Variants in WWOX observed in about 807,000 individuals in gnomAD.
WWOX encodes the protein WW domain containing oxidoreductase, also known as WW domain-containing oxidoreductase.
WWOX carries 69 observed loss-of-function variants against 46.2 expected under a neutral mutation model. The observed-to-expected ratio is 1.49, with a 90% CI of 1.23 to 1.82. The LOEUF (loss-of-function observed/expected upper bound fraction) is 1.82, where lower values mean the gene tolerates loss of function less well. Among genes scored for constraint, WWOX ranks in the 40% most tolerant of loss-of-function variants. The pLI, the probability that WWOX is intolerant of heterozygous loss-of-function variation, is 0.00. For synonymous variants in WWOX, 359 were observed against 202.6 expected (o/e 1.77, Z -6.56); for missense variants, 919 against 542.6 (o/e 1.69, Z -6.89).
intron 8 of WWOX, among the ~76,000 whole-genome samples, chr16:78,502,380 C>T (rs1348843989): frequency 6.6e-6 from 1 of 152,188 alleles, no homozygotes; most frequent in Non-Finnish European, 1.5e-5. Context: ...AACCAATCTA[C>T]TTGCTGTTTC....
intron 8 of WWOX, among the ~76,000 whole-genome samples, chr16:78,932,983 G>T (rs377758521): frequency 6.6e-6 from 1 of 152,170 alleles, no homozygotes; most frequent in Admixed American, 6.5e-5. Flanking sequence ...AATAGACCAC[G>T]TCCTGTCCAT....
At chr16:78,966,470 T>A (rs953503281) in intron 8 of WWOX, among the ~76,000 whole-genome samples, 1 of 152,204 alleles carries the variant, frequency 6.6e-6, no homozygotes. Flanking sequence ...TGTACATCGT[T>A]TTTAAGATGG....
At chr16:79,038,276 A>C (rs137948523) in intron 8 of WWOX, among the ~76,000 whole-genome samples, 8 of 152,202 alleles carry the variant, frequency 5.3e-5, no homozygotes, top group African/African-American at 1.4e-4. Flanking sequence ...TGTCTCCTGA[A>C]GATAAAATAC....
chr16:79,018,390 G>C (rs912019091), intron 8 of WWOX, among the ~76,000 whole-genome samples: 5 of 152,166 alleles, frequency 3.3e-5, no homozygotes, highest in Non-Finnish European at 7.3e-5. Context: ...TAATCAATGT[G>C]ATTTGTATAA....
intron 5 of WWOX, among the ~76,000 whole-genome samples, chr16:78,326,271 T>A (rs922363982): frequency 2.6e-5 from 4 of 152,222 alleles, no homozygotes; most frequent in Admixed American, 6.5e-5. Context: ...CATTTGATGC[T>A]TTATGTTAAG....
At chr16:78,611,474 C>G (rs1338669960) in intron 8 of WWOX, among the ~76,000 whole-genome samples, 7 of 152,144 alleles carry the variant, frequency 4.6e-5, no homozygotes, top group Non-Finnish European at 2.9e-5. Flanking sequence ...TATGACTGCC[C>G]TGCCTCCCTG....
At chr16:78,812,565 T>TAA (rs113895537) in intron 8 of WWOX, among the ~76,000 whole-genome samples, 3 of 144,528 alleles carry the variant, frequency 2.1e-5, no homozygotes, top group African/African-American at 7.6e-5. Context: ...CTACTAAAAA[T>TAA]AAAAAAAAAA....
At chr16:78,235,265 G>A (rs28379571) in intron 5 of WWOX, among the ~76,000 whole-genome samples, 23 of 152,218 alleles carry the variant, frequency 1.5e-4, no homozygotes, top group African/African-American at 5.1e-4. Context: ...GTCGTGGTTT[G>A]TGTTCTTTGA....
chr16:78,712,982 G>A (rs972244628), intron 8 of WWOX, among the ~76,000 whole-genome samples: 3 of 152,052 alleles, frequency 2.0e-5, no homozygotes, highest in African/African-American at 7.2e-5. Flanking sequence ...GAAATAGCTA[G>A]TATCAGGCCT....
intron 4 of WWOX, among the ~76,000 whole-genome samples, chr16:78,143,632 C>T (rs897610883): frequency 9.2e-5 from 14 of 152,172 alleles, no homozygotes; most frequent in African/African-American, 3.1e-4. Flanking sequence ...TTGCCCTTTA[C>T]AGAAAAAGTT....
chr16:78,341,829 G>C (rs2151900233), intron 5 of WWOX, among the ~76,000 whole-genome samples: 1 of 120,770 alleles, frequency 8.3e-6, no homozygotes, highest in African/African-American at 2.8e-5. Context: ...ATTTATGGAA[G>C]GTTAACAGGG....
intron 8 of WWOX, among the ~76,000 whole-genome samples, chr16:78,963,279 G>C (rs2046305632): frequency 6.6e-6 from 1 of 152,046 alleles, no homozygotes; most frequent in Non-Finnish European, 1.5e-5. Context: ...GACCAGTCTG[G>C]GCAACATAGT....
chr16:78,988,614 G>C (rs2046826444), intron 8 of WWOX, among the ~76,000 whole-genome samples: 1 of 152,182 alleles, frequency 6.6e-6, no homozygotes, highest in Non-Finnish European at 1.5e-5. Flanking sequence ...AGCCCTGCTA[G>C]AAACCAGATG....
chr16:78,322,571 G>C (rs554544186), intron 5 of WWOX, among the ~76,000 whole-genome samples: 2 of 152,190 alleles, frequency 1.3e-5, no homozygotes, highest in Non-Finnish European at 2.9e-5. Flanking sequence ...TACAGTCAGT[G>C]AGTGTGAGAG....
At chr16:78,704,999 A>G (rs988943878) in intron 8 of WWOX, among the ~76,000 whole-genome samples, 2 of 151,596 alleles carry the variant, frequency 1.3e-5, no homozygotes, top group South Asian at 2.1e-4. Context: ...GCCATTTAAC[A>G]TTTCTAGAAG....
chr16:79,072,278 T>C (rs72795663), intron 8 of WWOX, among the ~76,000 whole-genome samples: 6,585 of 152,160 alleles, frequency 0.043, 200 homozygotes, highest in South Asian at 0.11. Context: ...AGAATGAGAC[T>C]GTCCCCCCAA....
chr16:78,171,507 T>TACG (rs1427732994), intron 5 of WWOX, among the ~76,000 whole-genome samples: 4 of 152,062 alleles, frequency 2.6e-5, no homozygotes, highest in African/African-American at 9.7e-5. Flanking sequence ...GCGGGTAAAA[T>TACG]ACGAGCCTCA....
Position 78,443,304 on chromosome 16 carries a change from C to T in WWOX, c.1056+10552C>T, listed in dbSNP as rs911859706. Among the ~76,000 whole-genome samples the T allele has an allele frequency of 2.2e-3, 338 of 151,384 alleles. 1 individual carries two copies. The highest frequency in any genetic ancestry group is 7.9e-3 in the African/African-American group (325 of 41,262). On this transcript the variant is annotated intron_variant, in intron 8 of 8. Transcript: ENST00000566780. Reference sequence around the variant, plus strand: ...TGGGTGACAGAGTGAGACTGAAAAACAAAAAAACAAAAAAAAACCCAAAAC... The same window carrying T: ...TGGGTGACAGAGTGAGACTGAAAAATAAAAAAACAAAAAAAAACCCAAAAC...
At chr16:78,604,058 C>G (rs1359186610) in intron 8 of WWOX, among the ~76,000 whole-genome samples, 1 of 152,104 alleles carries the variant, frequency 6.6e-6, no homozygotes, top group Non-Finnish European at 1.5e-5. Context: ...GCGGTAGGAT[C>G]GCTTGAGCCC....
Sources: gnomAD v4.1 joint callset for allele counts (sites outside exome capture counted in the v4.1 genomes callset) on GRCh38, gnomAD v4.1.1 for gene constraint, MANE v1.5 for transcripts, NCBI Gene and HGNC (gene_info 2026-07-23, HGNC 2026-07-21) for gene names.